Variants in NBR1 observed in about 807,000 individuals in gnomAD.
The protein encoded by NBR1 is NBR1 autophagy cargo receptor.
NBR1 carries 59 observed loss-of-function variants against 115.5 expected under a neutral mutation model. The ratio of observed to expected loss-of-function variants is 0.51; its 90% CI spans 0.41 to 0.63. NBR1 has a LOEUF of 0.63. Among genes scored for constraint, NBR1 ranks in the 30% least tolerant of loss-of-function variants. The pLI is 0.00. For synonymous variants in NBR1, 373 were observed against 414.7 expected, an observed-to-expected ratio of 0.90 and a Z score of 1.22; for missense variants, 1,043 against 1,150.5, an observed-to-expected ratio of 0.91 and a Z score of 1.35.
At chr17:43,199,137 G>A (rs1277755955) in intron 16 of NBR1, among the ~76,000 whole-genome samples, 2 of 151,152 alleles carry the variant, frequency 1.3e-5, no homozygotes, top group Non-Finnish European at 2.9e-5. Context: ...GCTAAAGTGC[G>A]AGTAGCAAGT....
intron 18 of NBR1, 132 bp from the exon 19 acceptor site, chr17:43,202,523 T>A (rs34999923): frequency 0.27 from 132,734 of 485,176 alleles, 9,750 homozygotes; most frequent in South Asian, 0.38. Context: ...CCAAATACTT[T>A]AAAAAAAAAA....
intron 16 of NBR1, among the ~76,000 whole-genome samples, chr17:43,198,377 A>C (rs1890216374): frequency 6.6e-6 from 1 of 151,686 alleles, no homozygotes; most frequent in African/African-American, 2.4e-5. Flanking sequence ...ATGTAAGGCC[A>C]GGCGCAGTGG....
chr17:43,190,366 C>A (rs377085849), intron 8 of NBR1: 25 of 490,544 alleles, frequency 5.1e-5, no homozygotes, highest in African/African-American at 4.9e-4. Context: ...GCCACTGTGC[C>A]TGGCCCCATG....
intron 15 of NBR1, 87 bp from the exon 16 acceptor site, chr17:43,196,855 T>C: frequency 7.0e-7 from 1 of 1,422,112 alleles, no homozygotes; most frequent in Non-Finnish European, 9.7e-7. Flanking sequence ...AGCTATTCCT[T>C]GGTTTAGTTT....
intron 6 of NBR1, among the ~76,000 whole-genome samples, chr17:43,187,331 C>G (rs1597982388): frequency 6.6e-6 from 1 of 152,052 alleles, no homozygotes. Flanking sequence ...TAGGCACCTG[C>G]CACTACGCCC....
rs2056549830 is a variant in NBR1 at position 43,177,573 on chromosome 17, AC to A, written c.103-362del. 1.2e-3 allele frequency among the ~76,000 whole-genome samples: 2 copies of A among 1,696 alleles called. 1 individual carries two copies. The highest frequency in any genetic ancestry group is 7.3e-3 in the Non-Finnish European group (2 of 274). 1.1% of individuals were successfully genotyped at this position (1,696 alleles called of 152,430 possible). On this transcript the variant is annotated intron_variant, in intron 2 of 20. Coordinates refer to ENST00000590996, the MANE Select transcript of NBR1 (RefSeq NM_005899.5). ...TTCCCTACCCCACACCCCACCCAAA[AC>A]ACACACACACACACACACACACACA...
chr17:43,177,353 C>G (rs927995221), intron 2 of NBR1, among the ~76,000 whole-genome samples: 2 of 145,448 alleles, frequency 1.4e-5, no homozygotes, highest in Admixed American at 6.9e-5. Flanking sequence ...ATACACATAA[C>G]TTATACACTG....
In NBR1 at chr17:43,196,925, G is replaced by T. The variant is rs749787268; in HGVS notation, c.1862-17G>T. 1.9e-6 allele frequency: 3 copies of T among 1,613,754 alleles called. No individual in the cohort carries two copies. Among genetic ancestry groups the T allele is most frequent in the Non-Finnish European group, 2.5e-6 (3 of 1,179,740 alleles). ...ACTTTAAACACCCAGTGCAGATAAG[G>T]TTCGTGTGTCTTTCAGATTCTATGG... is the stretch of plus-strand genomic sequence containing the variant. On this transcript the variant is annotated splice_polypyrimidine_tract_variant and intron_variant, in intron 15 of 20. Coordinates refer to ENST00000590996, the MANE Select transcript of NBR1 (RefSeq NM_005899.5).
At chr17:43,170,660 A>C (rs1484273208), upstream of NBR1, 1 of 152,426 alleles carries the variant, frequency 6.6e-6, no homozygotes, top group African/African-American at 2.4e-5. Context: ...TACTATTTCC[A>C]ACATGCATTG....
Position 43,194,475 on chromosome 17 carries a change from A to C in NBR1, c.1650A>C (p.Pro550=). The C allele has an allele frequency of 6.2e-7, 1 of 1,614,010 alleles. No homozygotes were observed. Among genetic ancestry groups the C allele is most frequent in the Non-Finnish European group, 8.5e-7 (1 of 1,179,876 alleles). Residue 550 remains proline (P), a synonymous_variant, in exon 13 of 21, where the codon CCA becomes CCC. Coordinates refer to ENST00000590996, the MANE Select transcript of NBR1 (RefSeq NM_005899.5). ...CCAGTGAGAGGGAGCTCTACATCCCATCTGTGGATCTTCTGACTGCCCAGG... is the reference window on the plus strand; with the variant it reads ...CCAGTGAGAGGGAGCTCTACATCCCCTCTGTGGATCTTCTGACTGCCCAGG... The part of the protein sequence containing the change: ...NVASERELYI[P]SVDLLTAQDL...
intron 20 of NBR1, among the ~76,000 whole-genome samples, chr17:43,207,774 C>CT (rs1270217908): frequency 6.6e-6 from 1 of 152,154 alleles, no homozygotes; most frequent in Non-Finnish European, 1.5e-5. Flanking sequence ...GTACGTGTTC[C>CT]TTTTTTTCTC....
chr17:43,183,085 G>T (rs1161503531), intron 5 of NBR1, among the ~76,000 whole-genome samples: 2 of 150,392 alleles, frequency 1.3e-5, no homozygotes, highest in Admixed American at 6.6e-5. Flanking sequence ...TTGAGACAGG[G>T]TTTTACCATG....
At chr17:43,191,039 G>A (rs2056932003) in intron 9 of NBR1, among the ~76,000 whole-genome samples, 1 of 152,140 alleles carries the variant, frequency 6.6e-6, no homozygotes, top group Non-Finnish European at 1.5e-5. Context: ...AGTGCTTGAA[G>A]CCAAATATTT....
intron 2 of NBR1, chr17:43,176,216 A>G (rs2056512847): frequency 9.2e-6 from 2 of 217,198 alleles, no homozygotes; most frequent in South Asian, 2.4e-4. Context: ...ACTCCACCCA[A>G]CCAGATCCCA....
intron 4 of NBR1, among the ~76,000 whole-genome samples, chr17:43,180,071 G>T (rs1256542192): frequency 2.0e-5 from 3 of 152,156 alleles, no homozygotes. Flanking sequence ...AATAAGCTAA[G>T]AATTCTTTAA....
chr17:43,210,187 GC>G lies in NBR1; in HGVS notation c.*116del. On this transcript the variant is annotated 3_prime_UTR_variant, in exon 21 of 21. Coordinates refer to ENST00000590996, the MANE Select transcript of NBR1 (RefSeq NM_005899.5). ...TTTTAATCTGATGAATCTGTATAGA[GC>G]CCATCGTTGAGTTACCAAGACAATA... 1 of 986,024 alleles carries G rather than the reference GC, an allele frequency of 1.0e-6. No homozygotes were observed. Among genetic ancestry groups the G allele is most frequent in the Non-Finnish European group, 1.4e-6 (1 of 717,370 alleles). 61.1% of individuals were successfully genotyped at this position (986,024 alleles called of 1,614,324 possible). A position where few individuals can be genotyped will look rare whatever the true frequency, so the allele number is the denominator to read the frequency against.
chr17:43,176,873 C>G (rs1440700095), intron 2 of NBR1, among the ~76,000 whole-genome samples: 5 of 152,130 alleles, frequency 3.3e-5, no homozygotes, highest in Non-Finnish European at 4.4e-5. Context: ...ATTCTCCCCC[C>G]CCTCATCTGT....
chr17:43,174,379 C>T (rs1445440799), intron 1 of NBR1, among the ~76,000 whole-genome samples: 3 of 151,960 alleles, frequency 2.0e-5, no homozygotes, highest in Admixed American at 6.5e-5. Context: ...GGTGGAATCA[C>T]GAGGTCAGGA....
intron 6 of NBR1, among the ~76,000 whole-genome samples, chr17:43,188,698 A>G (rs1447377617): frequency 6.6e-6 from 1 of 152,130 alleles, no homozygotes; most frequent in Non-Finnish European, 1.5e-5. Context: ...TTTTCCCAGC[A>G]CCGTTTATTA....
Sources: gnomAD v4.1 joint callset for allele counts (sites outside exome capture counted in the v4.1 genomes callset) on GRCh38, gnomAD v4.1.1 for gene constraint, MANE v1.5 for transcripts, NCBI Gene and HGNC (gene_info 2026-07-23, HGNC 2026-07-21) for gene names.